The following ODF2L variants were observed in gnomAD, a reference collection of about 807,000 sequenced individuals.
ODF2L encodes the protein protein BCAP.
ODF2L carries 76 observed loss-of-function variants against 86.3 expected under a neutral mutation model. The observed-to-expected ratio is 0.88, with a 90% CI of 0.73 to 1.07. The LOEUF (loss-of-function observed/expected upper bound fraction) is 1.07. ODF2L is among the 50% of genes least tolerant of loss of function. The pLI is 0.00. For synonymous variants in ODF2L, 241 were observed against 231.3 expected (o/e 1.04, Z -0.38); for missense variants, 748 against 717.4 (o/e 1.04, Z -0.49).
chr1:86,377,630 T>C (rs1429719385), intron 7 of ODF2L, among the ~76,000 whole-genome samples: 1 of 152,216 alleles, frequency 6.6e-6, no homozygotes, highest in Non-Finnish European at 1.5e-5. Flanking sequence ...TCTTGACTTG[T>C]GTGCACCCAC....
chr1:86,387,876 G>A (rs1287323445), intron 1 of ODF2L, among the ~76,000 whole-genome samples: 1 of 151,816 alleles, frequency 6.6e-6, no homozygotes, highest in Non-Finnish European at 1.5e-5. Context: ...CATTTTTTTG[G>A]ATATTTACCT....
At chr1:86,395,594 T>C (rs1661679673) in intron 1 of ODF2L, among the ~76,000 whole-genome samples, 1 of 152,182 alleles carries the variant, frequency 6.6e-6, no homozygotes, top group African/African-American at 2.4e-5. Context: ...GAAGGAATTA[T>C]TTCCTGAGGA....
rs78837145 is a variant in ODF2L, at chr1:86,386,791, T to C, written c.113+124A>G. On this transcript the variant is annotated intron_variant, in intron 2 of 17. Coordinates refer to ENST00000317336, the Ensembl canonical transcript of ODF2L. ...GATTAAATATATTTTAATAAATAAATACTAGATTTGGAAAAGATACTCTTA... is the reference window on the plus strand; with the variant it reads ...GATTAAATATATTTTAATAAATAAACACTAGATTTGGAAAAGATACTCTTA... 2.7e-3 allele frequency: 1,416 copies of C among 516,584 alleles called. 12 individuals carry two copies. The highest frequency in any genetic ancestry group is 0.026 in the African/African-American group (1,297 of 49,986). The allele number at this position is 516,584 out of a possible 1,614,324, so 32.0% of individuals were successfully genotyped here.
intron 1 of ODF2L, among the ~76,000 whole-genome samples, chr1:86,392,141 C>T (rs1450255740): frequency 1.3e-5 from 2 of 152,084 alleles, no homozygotes; most frequent in African/African-American, 4.8e-5. Context: ...CAATGTGATA[C>T]CACCTTACTC....
chr1:86,354,546 T>C (rs765354898), exon 16 of ODF2L: 2 of 1,600,000 alleles, frequency 1.3e-6, no homozygotes. Context: ...TCTTCCTTCT[T>C]CTAAAGCAGC....
intron 1 of ODF2L, among the ~76,000 whole-genome samples, chr1:86,394,982 G>C (rs1276077714): frequency 2.6e-5 from 4 of 151,706 alleles, no homozygotes; most frequent in South Asian, 2.1e-4. Context: ...CTGGGACTAC[G>C]GGCGCCCGCC....
At chr1:86,348,233 T>C (rs1182296083), downstream of ODF2L, 1 of 152,064 alleles carries the variant, frequency 6.6e-6, no homozygotes, top group Non-Finnish European at 1.5e-5. Context: ...ACAGAAATTA[T>C]AATGGCAACT....
intron 7 of ODF2L, among the ~76,000 whole-genome samples, chr1:86,380,185 T>C (rs948552544): frequency 2.0e-5 from 3 of 152,134 alleles, no homozygotes; most frequent in African/African-American, 7.2e-5. Flanking sequence ...AAGCTAAACC[T>C]AGGACTTTTC....
intron 1 of ODF2L, among the ~76,000 whole-genome samples, chr1:86,389,026 C>T (rs980993209): frequency 5.9e-5 from 9 of 152,018 alleles, no homozygotes; most frequent in Non-Finnish European, 1.2e-4. Context: ...TCAGAGATTC[C>T]AAGGCACTCC....
In ODF2L at chr1:86,360,508, A is replaced by AC; in HGVS notation, c.1171dup (p.Val391GlyfsTer5). ...TGAGAGTTCATTTTCAACAGATACAACTTCATCCTTCAAAGCAGCAAGTGT... is the reference window on the plus strand; with the variant it reads ...TGAGAGTTCATTTTCAACAGATACAACCTTCATCCTTCAAAGCAGCAAGTGT... On this transcript the variant is annotated frameshift_variant, in exon 12 of 18. Coordinates refer to ENST00000317336, the Ensembl canonical transcript of ODF2L. LOFTEE classifies it high-confidence loss of function. 6.3e-7 allele frequency: 1 copy of AC among 1,596,228 alleles called. No individual in the cohort carries two copies. The highest frequency in any genetic ancestry group is 1.1e-5 in the South Asian group (1 of 89,076).
At chr1:86,352,760 A>G (rs902615383) in intron 17 of ODF2L, 99 bp downstream of exon 16, 2 of 679,792 alleles carry the variant, frequency 2.9e-6, no homozygotes, top group Non-Finnish European at 4.9e-6. Flanking sequence ...TAATATTATC[A>G]GTAAAACAAT....
chr1:86,348,527 C>T (rs960008581), downstream of ODF2L: 1 of 267,220 alleles, frequency 3.7e-6, no homozygotes, highest in African/African-American at 2.2e-5. Flanking sequence ...AGAAATTAAA[C>T]CAAAGATAAA....
At chr1:86,366,399 C>T (rs1659422717) in intron 11 of ODF2L, among the ~76,000 whole-genome samples, 1 of 127,506 alleles carries the variant, frequency 7.8e-6, no homozygotes, top group South Asian at 2.9e-4. Context: ...CCTACACACA[C>T]ACACACACAC....
intron 14 of ODF2L, among the ~76,000 whole-genome samples, chr1:86,355,836 T>C (rs765738229): frequency 3.3e-5 from 5 of 152,120 alleles, no homozygotes; most frequent in Non-Finnish European, 5.9e-5. Flanking sequence ...AGACAGGGAA[T>C]GCTTCCTAAA....
chr1:86,352,213 A>T, intron 17 of ODF2L: 1 of 1,507,038 alleles, frequency 6.6e-7, no homozygotes, highest in Non-Finnish European at 8.9e-7. Context: ...TGGATCCTGG[A>T]AAAAACACAG....
Position 86,386,905 on chromosome 1 carries a change from A to C in ODF2L, c.113+10T>G, listed in dbSNP as rs763422126. ...GAAATTTAGATTTCCCCTGATACTG[A>C]TGAGAATACCAGCTGAGATGACTTT... On this transcript the variant is annotated intron_variant, in intron 2 of 17. Transcript: ENST00000317336. 2.9e-6 allele frequency: 4 copies of C among 1,373,410 alleles called. No individual in the cohort carries two copies. The Admixed American group carries it at 6.9e-5, about 24-fold the overall frequency. 85.1% of individuals were successfully genotyped at this position (1,373,410 alleles called of 1,614,324 possible). A position where few individuals can be genotyped will look rare whatever the true frequency, so the allele number is the denominator to read the frequency against.
At chr1:86,363,476 T>G (rs1303511962) in intron 11 of ODF2L, among the ~76,000 whole-genome samples, 1 of 152,158 alleles carries the variant, frequency 6.6e-6, no homozygotes, top group Admixed American at 6.5e-5. Context: ...TATTGGAAAA[T>G]GTATAGGGAC....
At chr1:86,394,840 C>T (rs1482232398) in intron 1 of ODF2L, among the ~76,000 whole-genome samples, 2 of 129,316 alleles carry the variant, frequency 1.5e-5, no homozygotes, top group African/African-American at 2.9e-5. Flanking sequence ...TTTCTTTTTC[C>T]TTTTTTTTTT....
intron 10 of ODF2L, among the ~76,000 whole-genome samples, chr1:86,369,356 A>C (rs1381362163): frequency 1.3e-5 from 2 of 152,212 alleles, no homozygotes; most frequent in African/African-American, 4.8e-5. Context: ...GCATTACTAA[A>C]TACATTAAAG....
Sources: gnomAD v4.1 joint callset for allele counts (sites outside exome capture counted in the v4.1 genomes callset) on GRCh38, gnomAD v4.1.1 for gene constraint, MANE v1.5 for transcripts, NCBI Gene and HGNC (gene_info 2026-07-23, HGNC 2026-07-21) for gene names.